Variants in MAP3K19 observed in about 807,000 individuals in gnomAD.
MAP3K19 encodes SPS1/STE20-related protein kinase YSK4.
A neutral mutation model predicts 114.4 loss-of-function variants in MAP3K19; 91 were observed. The ratio of observed to expected loss-of-function variants is 0.80; its 90% CI spans 0.67 to 0.95. The LOEUF is 0.95. Ranked by LOEUF, MAP3K19 falls within the 40% of genes least tolerant of loss-of-function variation. The pLI is 0.00. For missense variants in MAP3K19, 1,471 were observed against 1,573.2 expected, an observed-to-expected ratio of 0.94 and a Z score of 1.10; for synonymous variants, 518 against 530.5, an observed-to-expected ratio of 0.98 and a Z score of 0.32.
At chr2:135,020,551 C>A (rs545662975) in intron 5 of MAP3K19, among the ~76,000 whole-genome samples, 1 of 152,280 alleles carries the variant, frequency 6.6e-6, no homozygotes, top group East Asian at 1.9e-4. Context: ...GAACTCCTGG[C>A]CTCAACAGAT....
chr2:135,002,993 GA>G (rs1686557155), intron 6 of MAP3K19, among the ~76,000 whole-genome samples: 1 of 152,166 alleles, frequency 6.6e-6, no homozygotes, highest in Admixed American at 6.5e-5. Context: ...CTCTAAGGAA[GA>G]AACGAAGGTT....
chr2:135,030,662 A>C (rs1688359073), intron 2 of MAP3K19, among the ~76,000 whole-genome samples, 162 bp from the exon 3 acceptor site: 1 of 152,196 alleles, frequency 6.6e-6, no homozygotes, highest in African/African-American at 2.4e-5. Flanking sequence ...GACATGCATG[A>C]TTTTTGGATA....
At chr2:135,039,698 A>G (rs1688609087) in intron 2 of MAP3K19, among the ~76,000 whole-genome samples, 1 of 152,180 alleles carries the variant, frequency 6.6e-6, no homozygotes, top group Admixed American at 6.5e-5. Context: ...TGCCCTTTCT[A>G]TTCATGAAGC....
intron 12 of MAP3K19, among the ~76,000 whole-genome samples, chr2:134,974,815 C>A (rs1233422558): frequency 1.3e-5 from 2 of 152,148 alleles, no homozygotes; most frequent in African/African-American, 4.8e-5. Context: ...TGTGGTATAA[C>A]AGTCACTTCT....
At chr2:135,044,044 A>T (rs1266622843) in intron 1 of MAP3K19, among the ~76,000 whole-genome samples, 1 of 152,246 alleles carries the variant, frequency 6.6e-6, no homozygotes, top group Non-Finnish European at 1.5e-5. Context: ...GTCTTTATCT[A>T]CCTTTGTTCA....
chr2:135,030,863 C>T (rs1688363016), intron 2 of MAP3K19, among the ~76,000 whole-genome samples: 1 of 152,166 alleles, frequency 6.6e-6, no homozygotes, highest in Admixed American at 6.5e-5. Flanking sequence ...TCAAGGCCAT[C>T]ATGCACTATA....
At chr2:135,034,296 C>A (rs1433596961) in intron 2 of MAP3K19, among the ~76,000 whole-genome samples, 1 of 128,892 alleles carries the variant, frequency 7.8e-6, no homozygotes, top group Non-Finnish European at 1.5e-5. Flanking sequence ...GGATGGCGGC[C>A]GGGAAGAGGC....
At position 134,983,691 on chromosome 2, in the gene MAP3K19, C is replaced by T; in HGVS notation, c.3207G>A (p.Lys1069=). Residue 1069 remains lysine (K), a synonymous_variant, in exon 11 of 13, where the codon AAG becomes AAA. Transcript: ENST00000392915. ...ILWTKGEILG[K]GAYGTVYCGL... ...TTTAACTTACTGTGCCGTAGGCTCC[C>T]TTTCCAAGAATCTCACCCTTGGTCC... 4 of 1,571,676 alleles carry T rather than the reference C, an allele frequency of 2.5e-6. No homozygotes were observed. Among genetic ancestry groups the T allele is most frequent in the Non-Finnish European group, 3.4e-6 (4 of 1,164,658 alleles).
rs774793855 is a variant in MAP3K19 at position 134,980,853 on chromosome 2, A to G, written c.3888T>C (p.Asn1296=). Residue 1296 remains asparagine (N), a synonymous_variant, in exon 12 of 13, where the codon AAT becomes AAC. Coordinates refer to ENST00000392915, the MANE Select transcript of MAP3K19 (RefSeq NM_025052.5). The part of the protein sequence containing the change: ...MPPLPDHFSE[N]AADFVRMCLT... ...GGCACATGCGCACAAAGTCTGCTGC[A>G]TTTTCTGAGAAGTGGTCTGGTAAAG... The G allele has an allele frequency of 3.1e-6, 5 of 1,613,922 alleles. No homozygotes were observed. In the African/African-American group the frequency reaches 5.3e-5, roughly 17 times the overall value.
intron 5 of MAP3K19, among the ~76,000 whole-genome samples, chr2:135,010,518 G>A (rs1687146848): frequency 1.3e-5 from 2 of 152,216 alleles, no homozygotes; most frequent in South Asian, 4.1e-4. Flanking sequence ...CACCACGGGA[G>A]CTGATAGATG....
At position 135,027,135 on chromosome 2, in the gene MAP3K19, C is replaced by T. The variant is rs188289835; in HGVS notation, c.-94-2394G>A. On this transcript the variant is annotated intron_variant, in intron 3 of 12. Transcript: ENST00000392915. Reference sequence around the variant, plus strand: ...TGGTATGTGCCTGTAGTTCCAGCTACTCGAGAGGCTGAGGCAGGAGGATCC... The same window carrying T: ...TGGTATGTGCCTGTAGTTCCAGCTATTCGAGAGGCTGAGGCAGGAGGATCC... Among the ~76,000 whole-genome samples the T allele has an allele frequency of 1.1e-4, 17 of 152,102 alleles. No homozygotes were observed. The East Asian group carries it at 2.9e-3, about 26-fold the overall frequency.
chr2:135,043,332 C>T (rs983044552), intron 1 of MAP3K19, among the ~76,000 whole-genome samples: 1 of 152,150 alleles, frequency 6.6e-6, no homozygotes, highest in Non-Finnish European at 1.5e-5. Flanking sequence ...GTGCAGTTTC[C>T]TGAACTTGCT....
intron 12 of MAP3K19, 39 bp from the exon 13 acceptor site, chr2:134,964,955 G>C: frequency 7.0e-7 from 1 of 1,423,622 alleles, no homozygotes. Context: ...GCAGCACTCA[G>C]TAATGAGACT....
At position 134,981,190 on chromosome 2, in the gene MAP3K19, T is replaced by C; in HGVS notation, c.3551A>G (p.His1184Arg). Reference sequence around the variant, plus strand: ...AACATTATTTCCTTTGATATCGCGATGTACCACACAGTTCTCATGGAGATA... The same window carrying C: ...AACATTATTTCCTTTGATATCGCGACGTACCACACAGTTCTCATGGAGATA... ...VAYLHENCVV[H>R]RDIKGNNVML... is the part of the protein sequence containing the mutation. The change falls in exon 12 of 13, where the codon CAT becomes CGT. Residue 1184 changes from histidine to arginine, a missense_variant. By Grantham distance (29) the His-to-Arg change is conservative. Transcript: ENST00000392915. 1 of 1,614,118 alleles carries C rather than the reference T, an allele frequency of 6.2e-7. No homozygotes were observed. The highest frequency in any genetic ancestry group is 8.5e-7 in the Non-Finnish European group (1 of 1,180,026).
At chr2:134,980,770 A>C (rs1264506386) in intron 12 of MAP3K19, 51 bp downstream of exon 12, 1 of 1,525,384 alleles carries the variant, frequency 6.6e-7, no homozygotes, top group African/African-American at 1.4e-5. Flanking sequence ...AATGTCTGCC[A>C]CTTGGAATCT....
intron 5 of MAP3K19, among the ~76,000 whole-genome samples, chr2:135,019,058 G>A (rs1687793671): frequency 6.6e-6 from 1 of 151,296 alleles, no homozygotes; most frequent in African/African-American, 2.4e-5. Flanking sequence ...CAGCCTGGGT[G>A]ACAGAAGTGA....
At position 134,986,284 on chromosome 2, in the gene MAP3K19, T is replaced by C. The variant is rs1412046643; in HGVS notation, c.2588A>G (p.Asn863Ser). ...TTCTTGCTGTACATACTTGTTAGAATTCTTCTCACTGGGCACTGCCCAGCT... is the reference window on the plus strand; with the variant it reads ...TTCTTGCTGTACATACTTGTTAGAACTCTTCTCACTGGGCACTGCCCAGCT... ...EDSWAVPSEK[N>S]SNKYVQQEKQ... Residue 863 changes from asparagine (N) to serine (S), a missense_variant, in exon 10 of 13, where the codon AAT becomes AGT. Physicochemically the swap from Asn to Ser is conservative, Grantham distance 46. Coordinates refer to ENST00000392915, the MANE Select transcript of MAP3K19 (RefSeq NM_025052.5). 2 of 1,614,070 alleles carry C rather than the reference T, an allele frequency of 1.2e-6. No homozygotes were observed. Among genetic ancestry groups the C allele is most frequent in the Non-Finnish European group, 1.7e-6 (2 of 1,180,002 alleles).
At chr2:134,968,066 C>G (rs550216918) in intron 12 of MAP3K19, among the ~76,000 whole-genome samples, 9 of 152,206 alleles carry the variant, frequency 5.9e-5, no homozygotes, top group East Asian at 3.9e-4. Flanking sequence ...TGACTCCCAA[C>G]GAGCATGCTG....
At chr2:134,978,819 C>G (rs1427438126) in intron 12 of MAP3K19, among the ~76,000 whole-genome samples, 1 of 152,198 alleles carries the variant, frequency 6.6e-6, no homozygotes, top group Admixed American at 6.5e-5. Flanking sequence ...CATCCCAGGC[C>G]CTTCAATACA....
Sources: allele counts gnomAD v4.1 joint callset (sites outside exome capture counted in the v4.1 genomes callset), GRCh38; gene constraint gnomAD v4.1.1; transcripts MANE v1.5; gene names NCBI Gene and HGNC (gene_info 2026-07-23, HGNC 2026-07-21).